Variants in KIAA0319L observed in about 807,000 individuals in gnomAD.
KIAA0319L encodes KIAA0319 like, also known as dyslexia-associated protein KIAA0319-like protein.
Under a neutral mutation model 120.1 loss-of-function variants are expected in KIAA0319L, and 55 were observed. The observed-to-expected ratio is 0.46, with a 90% CI of 0.37 to 0.57. The LOEUF is 0.57. Ranked by LOEUF, KIAA0319L falls within the 20% of genes least tolerant of loss-of-function variation. The pLI is 0.00. For missense variants in KIAA0319L, 1,049 were observed against 1,255.3 expected, an observed-to-expected ratio of 0.84 and a Z score of 2.48; for synonymous variants, 398 against 471.9, an observed-to-expected ratio of 0.84 and a Z score of 2.03.
At chr1:35,472,643 T>C (rs1357206368) in intron 5 of KIAA0319L, among the ~76,000 whole-genome samples, 2 of 151,850 alleles carry the variant, frequency 1.3e-5, no homozygotes. Flanking sequence ...TGGGCTGCCA[T>C]AGGGCAGGAG....
chr1:35,508,558 C>G (rs562801936), intron 2 of KIAA0319L, among the ~76,000 whole-genome samples: 1 of 151,620 alleles, frequency 6.6e-6, no homozygotes, highest in Non-Finnish European at 1.5e-5. Flanking sequence ...TAACACCAGA[C>G]GAGGCAATTT....
At chr1:35,552,042 TA>T (rs766788729) in intron 2 of KIAA0319L, among the ~76,000 whole-genome samples, 392 of 135,124 alleles carry the variant, frequency 2.9e-3, no homozygotes, top group South Asian at 3.4e-3. Flanking sequence ...TGGTACTGGG[TA>T]AAAAAAAAAA....
intron 2 of KIAA0319L, among the ~76,000 whole-genome samples, chr1:35,519,088 G>A (rs935606877): frequency 6.6e-6 from 1 of 152,020 alleles, no homozygotes; most frequent in Non-Finnish European, 1.5e-5. Flanking sequence ...GAATTATGTG[G>A]CATATTTGGT....
At chr1:35,465,069 C>T (rs1352873735) in intron 7 of KIAA0319L, among the ~76,000 whole-genome samples, 2 of 152,178 alleles carry the variant, frequency 1.3e-5, no homozygotes, top group Admixed American at 6.5e-5. Context: ...TAGGGCAGTG[C>T]AGAAGGGAAA....
chr1:35,542,126 G>A lies in KIAA0319L; in HGVS notation c.142+12224C>T, dbSNP rs183481643. On this transcript the variant is annotated intron_variant, in intron 2 of 20. Coordinates refer to ENST00000325722, the MANE Select transcript of KIAA0319L (RefSeq NM_024874.5). ...CCTCCTGCCTGCTGGGTCATCTGGC[G>A]GTTAGACAAGAATTTAACCATATTA... 1.8e-3 allele frequency among the ~76,000 whole-genome samples: 277 copies of A among 152,278 alleles called. 2 individuals are homozygous for A. The highest frequency in any genetic ancestry group is 3.0e-3 in the Non-Finnish European group (205 of 68,028).
At chr1:35,555,537 C>T (rs1647851508) in intron 1 of KIAA0319L, among the ~76,000 whole-genome samples, 1 of 152,216 alleles carries the variant, frequency 6.6e-6, no homozygotes, top group African/African-American at 2.4e-5. Context: ...CGTTCTCATT[C>T]ACTTCCATCC....
intron 4 of KIAA0319L, among the ~76,000 whole-genome samples, chr1:35,477,040 A>T (rs1643917841): frequency 6.6e-6 from 1 of 152,232 alleles, no homozygotes; most frequent in African/African-American, 2.4e-5. Context: ...ATTCTTGAGT[A>T]ATACCCCACA....
chr1:35,448,133 C>T, intron 16 of KIAA0319L, 40 bp downstream of exon 16: 2 of 1,538,884 alleles, frequency 1.3e-6, no homozygotes, highest in Non-Finnish European at 1.8e-6. Flanking sequence ...CCGGGGGCCC[C>T]TGGTCTTTCC....
chr1:35,456,203 G>C lies in KIAA0319L; in HGVS notation c.1466C>G (p.Thr489Ser). The change falls in exon 10 of 21, where the codon ACT (threonine) becomes AGT (serine). Residue 489 changes from threonine (T) to serine (S), a missense_variant. Physicochemically the swap from Thr to Ser is moderately conservative, Grantham distance 58. Coordinates refer to ENST00000325722, the MANE Select transcript of KIAA0319L (RefSeq NM_024874.5). The part of the protein sequence containing the change: ...VVDSDGATNS[T>S]TANLTVNKAV... ...TTTGTTCACTGTCAGGTTTGCAGTA[G>C]TAGAGTTGGTAGCTCCATCAGAGTC... is the stretch of plus-strand genomic sequence containing the variant. 1 of 1,606,846 alleles carries C rather than the reference G, an allele frequency of 6.2e-7. No homozygotes were observed. Among genetic ancestry groups the C allele is most frequent in the Non-Finnish European group, 8.5e-7 (1 of 1,175,846 alleles).
chr1:35,454,461 G>A lies in KIAA0319L; in HGVS notation c.1681C>T (p.Leu561Phe), dbSNP rs772993349. The A allele has an allele frequency of 2.2e-5, 36 of 1,614,008 alleles. No individual in the cohort carries two copies. Among genetic ancestry groups the A allele is most frequent in the Non-Finnish European group, 2.8e-5 (33 of 1,179,978 alleles). The stretch of plus-strand genomic sequence containing the variant: ...TAGTCTCCTTCTTGCATCGCAGAGA[G>A]CTGTAAGGTTGGTGTTCTAACACCC... The part of the protein sequence containing the change: ...MQGVRTPTLQ[L>F]SAMQEGDYTY... The change falls in exon 11 of 21, where the codon CTC becomes TTC. Residue 561 changes from leucine (L) to phenylalanine (F), a missense_variant. Physicochemically the swap from Leu to Phe is conservative, Grantham distance 22. Coordinates refer to ENST00000325722, the MANE Select transcript of KIAA0319L (RefSeq NM_024874.5).
At chr1:35,531,144 A>C (rs1244093631) in intron 2 of KIAA0319L, among the ~76,000 whole-genome samples, 1 of 152,208 alleles carries the variant, frequency 6.6e-6, no homozygotes, top group African/African-American at 2.4e-5. Flanking sequence ...TCCTGTCCTC[A>C]TGGCACATGA....
intron 3 of KIAA0319L, among the ~76,000 whole-genome samples, chr1:35,483,118 A>T (rs1388201139): frequency 6.6e-6 from 1 of 152,236 alleles, no homozygotes; most frequent in Non-Finnish European, 1.5e-5. Flanking sequence ...ATCAAGTTAC[A>T]AGAGCTCATT....
chr1:35,486,476 G>T (rs1055246817), intron 3 of KIAA0319L, among the ~76,000 whole-genome samples: 10 of 148,286 alleles, frequency 6.7e-5, no homozygotes, highest in Non-Finnish European at 1.5e-4. Context: ...TAACAATTTT[G>T]CCCAGTTTTA....
In KIAA0319L at chr1:35,470,964, T is replaced by C. The variant is rs761833427; in HGVS notation, c.1016-4A>G. On this transcript the variant is annotated splice_polypyrimidine_tract_variant and splice_region_variant and intron_variant, in intron 5 of 20. Coordinates refer to ENST00000325722, the MANE Select transcript of KIAA0319L (RefSeq NM_024874.5). ...CAGTCGTAGGTGTAGGTTTCTCCTA[T>C]AGAAGGGCAGTTACAAAAATCATGA... The C allele has an allele frequency of 2.4e-5, 38 of 1,562,066 alleles. No homozygotes were observed. Among genetic ancestry groups the C allele is most frequent in the Non-Finnish European group, 3.1e-5 (35 of 1,132,662 alleles).
intron 9 of KIAA0319L, among the ~76,000 whole-genome samples, chr1:35,456,863 G>A (rs1228973843): frequency 7.4e-6 from 1 of 135,032 alleles, no homozygotes; most frequent in African/African-American, 2.7e-5. Flanking sequence ...AGGGAAGGAG[G>A]AAGGGAGGGA....
intron 15 of KIAA0319L, among the ~76,000 whole-genome samples, chr1:35,449,159 C>T (rs1226182348): frequency 2.0e-5 from 3 of 152,148 alleles, no homozygotes; most frequent in Non-Finnish European, 4.4e-5. Flanking sequence ...GGAAGACCTC[C>T]CAAGATCCCT....
At chr1:35,512,098 C>T (rs1335490307) in intron 2 of KIAA0319L, among the ~76,000 whole-genome samples, 3 of 151,594 alleles carry the variant, frequency 2.0e-5, no homozygotes, top group African/African-American at 4.8e-5. Context: ...GGCAAAACCC[C>T]GTCACTACTA....
chr1:35,467,302 C>T (rs1643332643), intron 6 of KIAA0319L, among the ~76,000 whole-genome samples: 1 of 151,934 alleles, frequency 6.6e-6, no homozygotes, highest in Non-Finnish European at 1.5e-5. Flanking sequence ...CTAAATAGTT[C>T]CCAAATATCT....
intron 2 of KIAA0319L, among the ~76,000 whole-genome samples, chr1:35,517,783 C>T (rs1473168650): frequency 6.6e-6 from 1 of 152,116 alleles, no homozygotes; most frequent in East Asian, 1.9e-4. Context: ...AGTAAAGAGA[C>T]AATCTACAGA....
Sources: allele counts gnomAD v4.1 joint callset (sites outside exome capture counted in the v4.1 genomes callset), GRCh38; gene constraint gnomAD v4.1.1; transcripts MANE v1.5; gene names NCBI Gene and HGNC (gene_info 2026-07-23, HGNC 2026-07-21).